Variants in SULT4A1 observed in about 807,000 individuals in gnomAD.
SULT4A1 encodes the protein sulfotransferase family 4A member 1, also known as sulfotransferase 4A1.
SULT4A1 carries 11 observed loss-of-function variants against 35.2 expected under a neutral mutation model. That is an observed-to-expected ratio of 0.31 (90% confidence interval 0.20 to 0.52). The LOEUF (loss-of-function observed/expected upper bound fraction) is 0.52, where lower values mean the gene tolerates loss of function less well. Ranked by LOEUF, SULT4A1 falls within the 20% of genes least tolerant of loss-of-function variation. The pLI, the probability that SULT4A1 is intolerant of heterozygous loss-of-function variation, is 0.97. For synonymous variants in SULT4A1, 152 were observed against 151.8 expected, an observed-to-expected ratio of 1.00 and a Z score of -0.01; for missense variants, 271 against 383.7, an observed-to-expected ratio of 0.71 and a Z score of 2.45.
chr22:43,839,202 G>C (rs1237303703), intron 3 of SULT4A1, among the ~76,000 whole-genome samples: 3 of 152,260 alleles, frequency 2.0e-5, no homozygotes, highest in Admixed American at 6.6e-5. Flanking sequence ...AGTAGAGCTG[G>C]CCAGGAAAAT....
intron 4 of SULT4A1, 35 bp from the exon 5 acceptor site, chr22:43,833,769 T>G: frequency 6.5e-7 from 1 of 1,541,668 alleles, no homozygotes; most frequent in Non-Finnish European, 8.8e-7. Context: ...GCCACACGGC[T>G]GGGCAGGAGA....
intron 1 of SULT4A1, among the ~76,000 whole-genome samples, chr22:43,851,883 C>A (rs2049345349): frequency 6.6e-6 from 1 of 152,190 alleles, no homozygotes; most frequent in Admixed American, 6.5e-5. Context: ...GGAATTCGTT[C>A]CCACCTGGCC....
intron 1 of SULT4A1, 93 bp downstream of exon 1, chr22:43,862,121 C>T: frequency 1.8e-6 from 2 of 1,087,164 alleles, no homozygotes; most frequent in Non-Finnish European, 2.3e-6. Flanking sequence ...ACCACCCGGC[C>T]CAGCAGAAGC....
chr22:43,853,971 G>A (rs571976640), intron 1 of SULT4A1, among the ~76,000 whole-genome samples: 1 of 142,704 alleles, frequency 7.0e-6, no homozygotes, highest in East Asian at 1.9e-4. Context: ...GGACCTTAAG[G>A]ATGAGGGAGA....
chr22:43,828,982 C>T (rs966540222), intron 6 of SULT4A1, 78 bp downstream of exon 6: 56 of 1,428,284 alleles, frequency 3.9e-5, no homozygotes, highest in Middle Eastern at 2.5e-4. Context: ...GGACCGGACT[C>T]GGCTCCCTAA....
chr22:43,832,727 G>C lies in SULT4A1; in HGVS notation c.603+913C>G, dbSNP rs927108333. Among the ~76,000 whole-genome samples the C allele has an allele frequency of 3.5e-4, 53 of 152,134 alleles. 1 individual carries two copies. The highest frequency in any genetic ancestry group is 7.2e-4 in the Non-Finnish European group (49 of 68,016). On this transcript the variant is annotated intron_variant, in intron 5 of 6. Transcript: ENST00000330884. ...CCACCCCAGCGCCATAGGGGACCTCGTGTGGCTCTGTTCACAGCCAGGTCT... is the reference window on the plus strand; with the variant it reads ...CCACCCCAGCGCCATAGGGGACCTCCTGTGGCTCTGTTCACAGCCAGGTCT...
chr22:43,853,727 T>A (rs2049369683), intron 1 of SULT4A1, among the ~76,000 whole-genome samples: 1 of 152,230 alleles, frequency 6.6e-6, no homozygotes, highest in African/African-American at 2.4e-5. Flanking sequence ...AGTGAACTTC[T>A]CCTAGGCCTT....
chr22:43,851,682 A>G (rs1603409280), intron 1 of SULT4A1, among the ~76,000 whole-genome samples: 1 of 151,744 alleles, frequency 6.6e-6, no homozygotes, highest in African/African-American at 2.4e-5. Context: ...TGGTAATCCC[A>G]CCCTCCAAGT....
chr22:43,846,911 C>T (rs1036291258), intron 1 of SULT4A1, among the ~76,000 whole-genome samples: 19 of 152,216 alleles, frequency 1.2e-4, no homozygotes, highest in African/African-American at 4.3e-4. Flanking sequence ...CGTGCAGCCC[C>T]GCAGGCCAAC....
At chr22:43,843,357 G>C (rs1279196222) in intron 1 of SULT4A1, among the ~76,000 whole-genome samples, 1 of 152,248 alleles carries the variant, frequency 6.6e-6, no homozygotes, top group African/African-American at 2.4e-5. Flanking sequence ...AGGAGGTAGA[G>C]GCTGCAGTGA....
chr22:43,850,698 G>A (rs190198691), intron 1 of SULT4A1, among the ~76,000 whole-genome samples: 5 of 152,178 alleles, frequency 3.3e-5, no homozygotes, highest in Admixed American at 1.3e-4. Flanking sequence ...CTTTCTCCAC[G>A]TCCCCTGACT....
chr22:43,847,970 C>T (rs187099819), intron 1 of SULT4A1, among the ~76,000 whole-genome samples: 126 of 152,338 alleles, frequency 8.3e-4, no homozygotes, highest in African/African-American at 2.9e-3. Flanking sequence ...GGCAGGGCTG[C>T]GCCCCTTTCT....
chr22:43,856,422 T>C (rs569161838), intron 1 of SULT4A1, among the ~76,000 whole-genome samples: 1 of 152,222 alleles, frequency 6.6e-6, no homozygotes, highest in East Asian at 1.9e-4. Flanking sequence ...TCCAGGCAGT[T>C]TGGCTGCCAC....
intron 5 of SULT4A1, among the ~76,000 whole-genome samples, chr22:43,831,568 G>A (rs1054723285): frequency 5.9e-5 from 9 of 152,170 alleles, no homozygotes; most frequent in Non-Finnish European, 1.0e-4. Flanking sequence ...CTCCACGCCC[G>A]GCAACACTGG....
chr22:43,826,455 G>A, intron 6 of SULT4A1: 3 of 985,186 alleles, frequency 3.0e-6, no homozygotes, highest in South Asian at 4.7e-5. Flanking sequence ...ACCTAGAACG[G>A]CACCTGGCAC....
chr22:43,861,162 G>C (rs1416685078), intron 1 of SULT4A1, among the ~76,000 whole-genome samples: 1 of 152,132 alleles, frequency 6.6e-6, no homozygotes, highest in Non-Finnish European at 1.5e-5. Flanking sequence ...CCTCCACTGA[G>C]AGTCCCTACT....
chr22:43,833,562 T>C (rs1026412591), intron 5 of SULT4A1, 78 bp downstream of exon 5: 20 of 954,566 alleles, frequency 2.1e-5, no homozygotes, highest in Middle Eastern at 2.8e-4. Context: ...ACACGCCCAC[T>C]GTAAAGGGCT....
intron 1 of SULT4A1, among the ~76,000 whole-genome samples, chr22:43,842,509 G>T (rs1354826629): frequency 6.6e-6 from 1 of 152,178 alleles, no homozygotes; most frequent in Admixed American, 6.5e-5. Flanking sequence ...TGAGTAAGTT[G>T]TGACAGTCAC....
In SULT4A1 at chr22:43,829,099, C is replaced by G; in HGVS notation, c.703G>C (p.Asp235His). The change falls in exon 6 of 7, where the codon GAC (aspartate) becomes CAC (histidine). Residue 235 changes from aspartate to histidine, a missense_variant. Physicochemically the swap from Asp to His is moderately conservative, Grantham distance 81 (BLOSUM62 -1). This residue lies in a region of SULT4A1 where 75 missense variants were observed against 67.7 expected (regional missense o/e 1.11). Coordinates refer to ENST00000330884, the MANE Select transcript of SULT4A1 (RefSeq NM_014351.4). The stretch of plus-strand genomic sequence containing the variant: ...AGGGCCTCAGCGTTGCAGCACTGGT[C>G]CACCAGCTGGTGGCAGTGCTCCGTC... ...ALTEHCHQLV[D>H]QCCNAEALPV... The G allele has an allele frequency of 6.4e-7, 1 of 1,552,182 alleles. No homozygotes were observed. Among genetic ancestry groups the G allele is most frequent in the Non-Finnish European group, 8.7e-7 (1 of 1,147,532 alleles).
Sources: gnomAD v4.1 joint callset for allele counts (sites outside exome capture counted in the v4.1 genomes callset) on GRCh38, gnomAD v4.1.1 for gene constraint, gnomAD v4.1.1 regional missense constraint, MANE v1.5 for transcripts, NCBI Gene and HGNC (gene_info 2026-07-23, HGNC 2026-07-21) for gene names.